The following SCAMP1 variants were observed in gnomAD, a reference collection of about 807,000 sequenced individuals.
SCAMP1 encodes the protein secretory carrier-associated membrane protein 1.
Under a neutral mutation model 41.8 loss-of-function variants are expected in SCAMP1, and 15 were observed. That is an observed-to-expected ratio of 0.36 (90% CI 0.24 to 0.55). The LOEUF (loss-of-function observed/expected upper bound fraction) is 0.55. Ranked by LOEUF, SCAMP1 falls within the 20% of genes least tolerant of loss-of-function variation. The pLI, the probability that SCAMP1 is intolerant of heterozygous loss-of-function variation, is 0.86. For synonymous variants in SCAMP1, 135 were observed against 136.8 expected, an observed-to-expected ratio of 0.99 and a Z score of 0.09; for missense variants, 341 against 412.6, an observed-to-expected ratio of 0.83 and a Z score of 1.50.
intron 1 of SCAMP1, among the ~76,000 whole-genome samples, chr5:78,387,994 C>T (rs1580655475): frequency 6.6e-6 from 1 of 152,218 alleles, no homozygotes; most frequent in Admixed American, 6.5e-5. Context: ...GACCATAGAG[C>T]TCCCAAGAGA....
intron 6 of SCAMP1, among the ~76,000 whole-genome samples, chr5:78,426,289 A>G (rs1397601017): frequency 3.3e-5 from 5 of 152,216 alleles, no homozygotes; most frequent in Non-Finnish European, 5.9e-5. Context: ...AGAATGATTT[A>G]TATTCCTTTG....
At chr5:78,421,990 T>G in intron 6 of SCAMP1, 30 bp downstream of exon 6, 1 of 1,556,004 alleles carries the variant, frequency 6.4e-7, no homozygotes, top group Non-Finnish European at 8.8e-7. Flanking sequence ...AAATACACTC[T>G]TTAAAACCTG....
In SCAMP1 at chr5:78,460,743, T is replaced by TC. The variant is rs1241560958; in HGVS notation, c.852+1383dup. ...TCTTTCTTTCTTTTGGTTTCTTTTCTCCTTCCTTCCTTCCTTCCTTCCTTC... is the reference window on the plus strand; with the variant it reads ...TCTTTCTTTCTTTTGGTTTCTTTTCTCCCTTCCTTCCTTCCTTCCTTCCTTC... On this transcript the variant is annotated intron_variant, in intron 8 of 8. Transcript: ENST00000621999. Among the ~76,000 whole-genome samples, 15 of 2,596 alleles carry TC rather than the reference T, an allele frequency of 5.8e-3. 1 individual carries two copies. The highest frequency in any genetic ancestry group is 0.036 in the East Asian group (3 of 84). The allele number at this position is 2,596 out of a possible 152,430, so 1.7% of individuals were successfully genotyped here. A position where few individuals can be genotyped will look rare whatever the true frequency, so the allele number is the denominator to read the frequency against.
chr5:78,379,278 A>G (rs567076931), intron 1 of SCAMP1, among the ~76,000 whole-genome samples: 1 of 152,324 alleles, frequency 6.6e-6, no homozygotes, highest in South Asian at 2.1e-4. Flanking sequence ...TGTAAAAGTA[A>G]ATGCTGAATA....
At chr5:78,397,389 TAA>T (rs1479992038) in intron 2 of SCAMP1, among the ~76,000 whole-genome samples, 1 of 152,178 alleles carries the variant, frequency 6.6e-6, no homozygotes, top group Non-Finnish European at 1.5e-5. Context: ...GAAGAAGACA[TAA>T]GAGTAAATCT....
intron 6 of SCAMP1, among the ~76,000 whole-genome samples, chr5:78,441,244 A>G (rs1752915540): frequency 6.6e-6 from 1 of 152,192 alleles, no homozygotes; most frequent in African/African-American, 2.4e-5. Context: ...TGAACCAGGT[A>G]CATCAGTTGG....
Position 78,416,561 on chromosome 5 carries a change from T to G in SCAMP1, c.255T>G (p.Ala85=). The G allele has an allele frequency of 6.3e-7, 1 of 1,597,402 alleles. No homozygotes were observed. Among genetic ancestry groups the G allele is most frequent in the Non-Finnish European group, 8.5e-7 (1 of 1,171,666 alleles). ...QIAKEHALAQ[A]ELLKRQEELE... ...TTTAGGAACATGCATTGGCCCAAGC[T>G]GAACTTCTTAAGCGCCAGGAAGAAC... Residue 85 remains alanine (A), a synonymous_variant, in exon 4 of 9, where the codon GCT becomes GCG. Coordinates refer to ENST00000621999, the MANE Select transcript of SCAMP1 (RefSeq NM_004866.6).
At chr5:78,405,460 T>G (rs1047219944) in intron 2 of SCAMP1, among the ~76,000 whole-genome samples, 1 of 152,216 alleles carries the variant, frequency 6.6e-6, no homozygotes, top group African/African-American at 2.4e-5. Flanking sequence ...ACTTACTTTC[T>G]CACCTCCTTG....
intron 8 of SCAMP1, among the ~76,000 whole-genome samples, chr5:78,474,708 C>G (rs929721051): frequency 3.3e-4 from 50 of 152,208 alleles, no homozygotes; most frequent in African/African-American, 1.2e-3. Context: ...ATCTTTCTGT[C>G]CCCACTCTGC....
At chr5:78,454,791 C>T (rs894018117) in intron 7 of SCAMP1, among the ~76,000 whole-genome samples, 37 of 152,266 alleles carry the variant, frequency 2.4e-4, no homozygotes, top group African/African-American at 7.9e-4. Context: ...TGATCGAATT[C>T]GGCTGTGAAT....
rs544079181 is a variant in SCAMP1 at position 78,427,498 on chromosome 5, A to G, written c.632+5538A>G. ...AGCGTGTACAAGTCTGTCTATGGCC[A>G]TATATTCATTTCTCTTGAATATATT... On this transcript the variant is annotated intron_variant, in intron 6 of 8. Transcript: ENST00000621999. Among the ~76,000 whole-genome samples, 3 of 152,316 alleles carry G rather than the reference A, an allele frequency of 2.0e-5. No homozygotes were observed. In the East Asian group the frequency reaches 5.8e-4, roughly 29 times the overall value.
chr5:78,403,520 C>T (rs542881376), intron 2 of SCAMP1, among the ~76,000 whole-genome samples: 3 of 152,028 alleles, frequency 2.0e-5, no homozygotes, highest in South Asian at 2.1e-4. Context: ...AAAAATAAGA[C>T]GTGGTGTCTC....
intron 8 of SCAMP1, among the ~76,000 whole-genome samples, chr5:78,460,594 T>TG (rs1554047008): frequency 7.5e-4 from 9 of 11,962 alleles, no homozygotes; most frequent in South Asian, 7.0e-3. Context: ...TTAATGGGGT[T>TG]TTTTTTTTCT....
At chr5:78,455,314 G>C (rs1406907781) in intron 7 of SCAMP1, among the ~76,000 whole-genome samples, 1 of 138,414 alleles carries the variant, frequency 7.2e-6, no homozygotes, top group Non-Finnish European at 1.6e-5. Context: ...TTCTCTTGTG[G>C]GCATTTAGTG....
rs1754085558 is a variant in SCAMP1 at position 78,479,586 on chromosome 5, T to C, written c.*3918T>C. 6.6e-6 allele frequency among the ~76,000 whole-genome samples: 1 copy of C among 152,202 alleles called. No individual in the cohort carries two copies. The highest frequency in any genetic ancestry group is 2.4e-5 in the African/African-American group (1 of 41,450). On this transcript the variant is annotated 3_prime_UTR_variant, in exon 9 of 9. Coordinates refer to ENST00000621999, the MANE Select transcript of SCAMP1 (RefSeq NM_004866.6). ...AGAGCTAGAAATAAATCTAGAAACT[T>C]TCTAAGCCAGGTATTGCCACTAACC...
At chr5:78,451,540 G>A (rs1275984487) in intron 7 of SCAMP1, among the ~76,000 whole-genome samples, 4 of 152,164 alleles carry the variant, frequency 2.6e-5, no homozygotes, top group Non-Finnish European at 4.4e-5. Flanking sequence ...GTCATTTCAA[G>A]AAGGTTATAG....
At chr5:78,467,287 T>G (rs909448841) in intron 8 of SCAMP1, among the ~76,000 whole-genome samples, 1 of 152,126 alleles carries the variant, frequency 6.6e-6, no homozygotes, top group Non-Finnish European at 1.5e-5. Flanking sequence ...AAAGGGAACT[T>G]TAACCATCAC....
chr5:78,408,502 A>C (rs911574281), intron 2 of SCAMP1, among the ~76,000 whole-genome samples: 3 of 152,152 alleles, frequency 2.0e-5, no homozygotes, highest in African/African-American at 7.2e-5. Flanking sequence ...CCAGCCTGAG[A>C]TCCTTTTCAC....
Position 78,477,458 on chromosome 5 carries a change from G to A in SCAMP1, c.*1790G>A, listed in dbSNP as rs1426802683. 6.6e-6 allele frequency: 1 copy of A among 152,072 alleles called. No homozygotes were observed. Among genetic ancestry groups the A allele is most frequent in the Non-Finnish European group, 1.5e-5 (1 of 67,958 alleles). The allele number at this position is 152,072 out of a possible 1,614,324, so 9.4% of individuals were successfully genotyped here. ...TATTGGAAATCTATTTTATCAGTGT[G>A]CTTTATTGAGTGTGGATTTTGCATA... On this transcript the variant is annotated 3_prime_UTR_variant, in exon 9 of 9. Coordinates refer to ENST00000621999, the MANE Select transcript of SCAMP1 (RefSeq NM_004866.6).
Sources: allele counts gnomAD v4.1 joint callset (sites outside exome capture counted in the v4.1 genomes callset), GRCh38; gene constraint gnomAD v4.1.1; transcripts MANE v1.5; gene names NCBI Gene and HGNC (gene_info 2026-07-23, HGNC 2026-07-21).